The following DUSP10 variants were observed in gnomAD, a reference collection of about 807,000 sequenced individuals.
DUSP10 encodes the protein dual specificity protein phosphatase 10.
In DUSP10, 14 loss-of-function variants were observed where a neutral mutation model predicts 30.8. The observed-to-expected ratio is 0.46, with a 90% CI of 0.30 to 0.71. The LOEUF (loss-of-function observed/expected upper bound fraction) is 0.71. DUSP10 is among the 30% of genes least tolerant of loss of function. The pLI, the probability that DUSP10 is intolerant of heterozygous loss-of-function variation, is 0.08. For synonymous variants in DUSP10, 254 were observed against 250.4 expected, an observed-to-expected ratio of 1.01 and a Z score of -0.14; for missense variants, 550 against 619.4, an observed-to-expected ratio of 0.89 and a Z score of 1.19.
chr1:221,717,051 G>T (rs1221314102), intron 2 of DUSP10, among the ~76,000 whole-genome samples: 3 of 152,136 alleles, frequency 2.0e-5, no homozygotes, highest in Non-Finnish European at 2.9e-5. Context: ...ACAGATTCCA[G>T]AAGGCAGTCA....
chr1:221,709,119 C>G (rs1660859452), intron 2 of DUSP10, among the ~76,000 whole-genome samples: 1 of 152,080 alleles, frequency 6.6e-6, no homozygotes, highest in Non-Finnish European at 1.5e-5. Flanking sequence ...CAGCTGGAGG[C>G]TCCCCACCTG....
Position 221,702,533 on chromosome 1 carries a change from G to T in DUSP10, c.1328C>A (p.Pro443Gln). Residue 443 changes from proline (P) to glutamine (Q), a missense_variant, in exon 4 of 4, where the codon CCA (proline) becomes CAA (glutamine). Pro to Gln is a moderately conservative substitution (Grantham distance 76). Coordinates refer to ENST00000366899, the MANE Select transcript of DUSP10 (RefSeq NM_007207.6). The surrounding 1 kb of genome is among the most constrained non-coding windows in gnomAD (Gnocchi z 4.5). ...DAYKFVKGKRPIISPNLNFMG... is the reference protein window; with the variant it reads ...DAYKFVKGKRQIISPNLNFMG... ...GAAGTTAAGGTTTGGGGAGATAATT[G>T]GTCGTTTGCCTTTGACAAATTTATA... 1 of 1,614,132 alleles carries T rather than the reference G, an allele frequency of 6.2e-7. No homozygotes were observed. The highest frequency in any genetic ancestry group is 8.5e-7 in the Non-Finnish European group (1 of 1,180,028).
intron 2 of DUSP10, among the ~76,000 whole-genome samples, chr1:221,724,657 C>G (rs900406021): frequency 6.6e-6 from 1 of 152,104 alleles, no homozygotes; most frequent in Non-Finnish European, 1.5e-5. Context: ...AGTTAATGCT[C>G]AGTGTCATAA....
chr1:221,706,828 A>G lies in DUSP10; in HGVS notation c.812-362T>C, dbSNP rs1660783759. Among the ~76,000 whole-genome samples, 1 of 152,040 alleles carries G rather than the reference A, an allele frequency of 6.6e-6. No homozygotes were observed. Reference sequence around the variant, plus strand: ...GCCATATGCTCAGTGGCCTACATAGAACCCTGTGCTTTGGGAGCCAAGAAA... The same window carrying G: ...GCCATATGCTCAGTGGCCTACATAGGACCCTGTGCTTTGGGAGCCAAGAAA... On this transcript the variant is annotated intron_variant, in intron 2 of 3. Transcript: ENST00000366899. This position sits in a 1 kb window ranked among gnomAD's most constrained non-coding sequence, Gnocchi z 4.6.
At chr1:221,719,713 C>A (rs562786640) in intron 2 of DUSP10, among the ~76,000 whole-genome samples, 1 of 152,272 alleles carries the variant, frequency 6.6e-6, no homozygotes, top group Non-Finnish European at 1.5e-5. Context: ...TCGACCATTT[C>A]CCCTGAAGCC....
chr1:221,738,195 T>C (rs79278676), intron 2 of DUSP10, among the ~76,000 whole-genome samples: 3,035 of 152,286 alleles, frequency 0.02, 54 homozygotes, highest in Non-Finnish European at 0.031. Flanking sequence ...TCAGTTATTC[T>C]GCATTCAGTA....
At chr1:221,723,212 AGGCCTG>A (rs747629566) in intron 2 of DUSP10, among the ~76,000 whole-genome samples, 1 of 152,220 alleles carries the variant, frequency 6.6e-6, no homozygotes, top group Non-Finnish European at 1.5e-5. Context: ...AAGGTCTCAG[AGGCCTG>A]CCTGCCTCCC....
intron 2 of DUSP10, among the ~76,000 whole-genome samples, chr1:221,735,354 C>T (rs1386883708): frequency 2.0e-5 from 3 of 152,194 alleles, no homozygotes; most frequent in Non-Finnish European, 4.4e-5. Context: ...GAGGGAAGCT[C>T]CTCTGTAGAC....
At chr1:221,729,871 C>T (rs559331845) in intron 2 of DUSP10, among the ~76,000 whole-genome samples, 1 of 152,168 alleles carries the variant, frequency 6.6e-6, no homozygotes, top group Non-Finnish European at 1.5e-5. Flanking sequence ...AGAAAATGTC[C>T]TCTATCTCTT....
intron 1 of DUSP10, among the ~76,000 whole-genome samples, chr1:221,740,083 A>G (rs954831762): frequency 2.6e-5 from 4 of 152,226 alleles, no homozygotes. Flanking sequence ...GAGAAGGTAT[A>G]AGCACAAATA....
At chr1:221,705,266 C>T (rs141293959) in intron 3 of DUSP10, among the ~76,000 whole-genome samples, 2,026 of 152,130 alleles carry the variant, frequency 0.013, 49 homozygotes, top group African/African-American at 0.046. Flanking sequence ...TGCACCACCA[C>T]GCCTGGCTAA....
intron 2 of DUSP10, among the ~76,000 whole-genome samples, chr1:221,728,041 AT>A (rs937831836): frequency 1.3e-5 from 2 of 152,188 alleles, no homozygotes; most frequent in Non-Finnish European, 2.9e-5. Flanking sequence ...CATGGAGTGG[AT>A]CATCACAGGG....
chr1:221,709,200 C>T (rs1253060872), intron 2 of DUSP10, among the ~76,000 whole-genome samples: 1 of 152,088 alleles, frequency 6.6e-6, no homozygotes, highest in Non-Finnish European at 1.5e-5. Context: ...TCTTTGAGTG[C>T]AAACAATACA....
intron 2 of DUSP10, chr1:221,737,479 T>C (rs1661811989): frequency 2.0e-6 from 2 of 984,984 alleles, no homozygotes; most frequent in Non-Finnish European, 2.4e-6. Flanking sequence ...AACAATAAAA[T>C]ACAGAGCTAT....
chr1:221,709,498 C>G (rs552836337), intron 2 of DUSP10, among the ~76,000 whole-genome samples: 53 of 152,104 alleles, frequency 3.5e-4, no homozygotes, highest in African/African-American at 1.3e-3. Flanking sequence ...GGAGATATTA[C>G]AATTTAAACA....
At chr1:221,726,119 G>T (rs1014674847) in intron 2 of DUSP10, among the ~76,000 whole-genome samples, 13 of 152,174 alleles carry the variant, frequency 8.5e-5, no homozygotes, top group Non-Finnish European at 1.9e-4. Context: ...TCACAACTTT[G>T]ATAGGTATTT....
chr1:221,739,901 G>A (rs559550699), intron 1 of DUSP10, 114 bp from the exon 2 acceptor site: 5 of 1,098,742 alleles, frequency 4.6e-6, no homozygotes, highest in Non-Finnish European at 6.1e-6. Context: ...CGTCCTAATT[G>A]CCCTTTATCA....
intron 2 of DUSP10, among the ~76,000 whole-genome samples, chr1:221,719,469 G>GT (rs1661214131): frequency 1.3e-5 from 2 of 151,728 alleles, no homozygotes; most frequent in Admixed American, 1.3e-4. Context: ...ATTACACTGG[G>GT]TTAAAAAAAA....
At chr1:221,737,388 A>C (rs1377398056) in intron 2 of DUSP10, 1 of 985,444 alleles carries the variant, frequency 1.0e-6, no homozygotes, top group Admixed American at 6.1e-5. Context: ...GTAAGAGGCT[A>C]GACACATCAA....
Sources: gnomAD v4.1 joint callset for allele counts (sites outside exome capture counted in the v4.1 genomes callset) on GRCh38, gnomAD v4.1.1 for gene constraint, Gnocchi (gnomAD v3.1) non-coding constraint, MANE v1.5 for transcripts, NCBI Gene and HGNC (gene_info 2026-07-23, HGNC 2026-07-21) for gene names.